TMTC2: variants seen among roughly 807,000 people sequenced by gnomAD.
The protein encoded by TMTC2 is transmembrane O-mannosyltransferase targeting cadherins 2, also known as protein O-mannosyl-transferase TMTC2.
Under a neutral mutation model 82.4 loss-of-function variants are expected in TMTC2, and 43 were observed. That is an observed-to-expected ratio of 0.52 (90% CI 0.41 to 0.67). The LOEUF is 0.67. TMTC2 is among the 30% of genes least tolerant of loss of function. TMTC2 has a pLI of 0.00. For missense variants in TMTC2, 919 were observed against 1,012.4 expected, an observed-to-expected ratio of 0.91 and a Z score of 1.25; for synonymous variants, 408 against 381.9, an observed-to-expected ratio of 1.07 and a Z score of -0.80.
intron 3 of TMTC2, among the ~76,000 whole-genome samples, chr12:82,919,067 A>G (rs1875215594): frequency 6.6e-6 from 1 of 152,200 alleles, no homozygotes; most frequent in Non-Finnish European, 1.5e-5. Flanking sequence ...CTTTTTTAAC[A>G]AAACAAAACA....
intron 1 of TMTC2, among the ~76,000 whole-genome samples, chr12:82,819,032 A>C (rs538761896): frequency 2.5e-4 from 38 of 152,082 alleles, no homozygotes; most frequent in African/African-American, 6.3e-4. Flanking sequence ...TTTTCCTAAT[A>C]ATTAGTCCAG....
chr12:82,790,917 G>A (rs1385193236), intron 1 of TMTC2, among the ~76,000 whole-genome samples: 1 of 151,636 alleles, frequency 6.6e-6, no homozygotes, highest in Non-Finnish European at 1.5e-5. Flanking sequence ...AGAAATATTC[G>A]AACAGAGTGT....
At chr12:82,995,011 C>A (rs1879552777) in intron 8 of TMTC2, among the ~76,000 whole-genome samples, 1 of 151,814 alleles carries the variant, frequency 6.6e-6, no homozygotes, top group East Asian at 1.9e-4. Context: ...TCATAGCTTC[C>A]AGCTTGTTAT....
chr12:83,124,708 A>G (rs540124855), intron 11 of TMTC2, among the ~76,000 whole-genome samples: 1 of 152,310 alleles, frequency 6.6e-6, no homozygotes, highest in African/African-American at 2.4e-5. Context: ...CACAATGTAC[A>G]TTGAGAGAAT....
chr12:82,917,827 C>T (rs1284728635), intron 3 of TMTC2, among the ~76,000 whole-genome samples: 4 of 151,862 alleles, frequency 2.6e-5, no homozygotes, highest in Non-Finnish European at 5.9e-5. Context: ...TGGTCTTGAT[C>T]TCCTGACCTC....
intron 8 of TMTC2, among the ~76,000 whole-genome samples, chr12:83,013,072 T>C (rs1237877057): frequency 6.6e-6 from 1 of 152,104 alleles, no homozygotes; most frequent in Non-Finnish European, 1.5e-5. Context: ...TTGCTGAAGT[T>C]CATTCTGATC....
At chr12:82,930,067 C>T (rs1416222572) in intron 3 of TMTC2, among the ~76,000 whole-genome samples, 3 of 151,974 alleles carry the variant, frequency 2.0e-5, no homozygotes. Flanking sequence ...ATTTTAAGAT[C>T]ATTTCTTGCA....
intron 5 of TMTC2, 65 bp downstream of exon 5, chr12:82,965,174 T>C: frequency 1.6e-6 from 2 of 1,244,692 alleles, no homozygotes; most frequent in South Asian, 2.6e-5. Context: ...AACTCTAATT[T>C]ACAGCCTCAC....
chr12:82,857,048 C>G lies in TMTC2; in HGVS notation c.122C>G (p.Thr41Ser). ...ACTAATCAGGACCTTCTCCCAGAAA[C>G]TCCATGGACGCACATTTTCTACAAT... ...IKTNQDLLPE[T>S]PWTHIFYNDF... The change falls in exon 2 of 12, where the codon ACT becomes AGT. Residue 41 changes from threonine to serine, a missense_variant. By Grantham distance (58) the Thr-to-Ser change is moderately conservative. Coordinates refer to ENST00000321196, the MANE Select transcript of TMTC2 (RefSeq NM_152588.3). 2 of 1,613,158 alleles carry G rather than the reference C, an allele frequency of 1.2e-6. No homozygotes were observed. The highest frequency in any genetic ancestry group is 1.7e-6 in the Non-Finnish European group (2 of 1,180,020).
At chr12:82,908,347 A>C (rs1017207444) in intron 3 of TMTC2, among the ~76,000 whole-genome samples, 6 of 151,190 alleles carry the variant, frequency 4.0e-5, no homozygotes, top group South Asian at 2.1e-4. Context: ...TTCACCATTG[A>C]TTTTATGTAC....
At chr12:82,883,877 C>T (rs900297142) in intron 2 of TMTC2, among the ~76,000 whole-genome samples, 4 of 152,068 alleles carry the variant, frequency 2.6e-5, no homozygotes, top group African/African-American at 7.2e-5. Flanking sequence ...TCTTTACTTT[C>T]GTTTAAAACT....
At chr12:82,742,511 C>G (rs1355669962) in intron 1 of TMTC2, among the ~76,000 whole-genome samples, 1 of 151,180 alleles carries the variant, frequency 6.6e-6, no homozygotes, top group Non-Finnish European at 1.5e-5. Flanking sequence ...CCCACTATAT[C>G]CTGTATATTC....
chr12:83,051,000 A>T lies in TMTC2; in HGVS notation c.2249A>T (p.Asn750Ile), dbSNP rs772509287. The change falls in exon 10 of 12, where the codon AAT becomes ATT. Residue 750 changes from asparagine (N) to isoleucine (I), a missense_variant. Coordinates refer to ENST00000321196, the MANE Select transcript of TMTC2 (RefSeq NM_152588.3). ...AGCACAGAGTTTGATGTTGTCTTCA[A>T]TGCTGCCCACATGCTCAGGTTAGTT... The part of the protein sequence containing the change: ...LDSTEFDVVF[N>I]AAHMLRQASL... The T allele has an allele frequency of 9.9e-6, 16 of 1,610,518 alleles. No homozygotes were observed. Among genetic ancestry groups the T allele is most frequent in the Non-Finnish European group, 1.3e-5 (15 of 1,177,996 alleles).
At chr12:82,872,295 A>G (rs1872241135) in intron 2 of TMTC2, among the ~76,000 whole-genome samples, 1 of 152,172 alleles carries the variant, frequency 6.6e-6, no homozygotes, top group Non-Finnish European at 1.5e-5. Flanking sequence ...GCCTTGCGCT[A>G]CATTTAACAG....
chr12:82,779,790 C>A (rs974087059), intron 1 of TMTC2, among the ~76,000 whole-genome samples: 1 of 152,084 alleles, frequency 6.6e-6, no homozygotes, highest in African/African-American at 2.4e-5. Flanking sequence ...GTCCCAGCTA[C>A]TCGGGAGGCT....
chr12:82,855,368 T>A (rs552629444), intron 1 of TMTC2, among the ~76,000 whole-genome samples: 4 of 152,172 alleles, frequency 2.6e-5, no homozygotes, highest in Non-Finnish European at 5.9e-5. Flanking sequence ...TGCTTTTCGG[T>A]AATACTCATG....
chr12:82,838,952 A>C (rs1870194965), intron 1 of TMTC2, among the ~76,000 whole-genome samples: 1 of 152,144 alleles, frequency 6.6e-6, no homozygotes, highest in African/African-American at 2.4e-5. Context: ...TAAGTAAGTT[A>C]TTGATTCCTC....
chr12:83,062,907 C>T (rs896368439), intron 11 of TMTC2, among the ~76,000 whole-genome samples: 2 of 151,738 alleles, frequency 1.3e-5, no homozygotes, highest in South Asian at 2.1e-4. Flanking sequence ...TGAATCTCAA[C>T]GCCTCGAAGT....
At chr12:82,806,605 C>T (rs1879253248) in intron 1 of TMTC2, among the ~76,000 whole-genome samples, 1 of 152,056 alleles carries the variant, frequency 6.6e-6, no homozygotes, top group Admixed American at 6.6e-5. Context: ...TGACTATACG[C>T]CTTACCAATA....
Sources: allele counts gnomAD v4.1 joint callset (sites outside exome capture counted in the v4.1 genomes callset), GRCh38; gene constraint gnomAD v4.1.1; transcripts MANE v1.5; gene names NCBI Gene and HGNC (gene_info 2026-07-23, HGNC 2026-07-21).